The following AKAP13 variants were observed in gnomAD, a reference collection of about 807,000 sequenced individuals.
AKAP13 encodes the protein A-kinase anchoring protein 13.
AKAP13 carries 80 observed loss-of-function variants against 264.5 expected under a neutral mutation model. The ratio of observed to expected loss-of-function variants is 0.30; its 90% CI spans 0.25 to 0.36. The LOEUF is 0.36. Ranked by LOEUF, AKAP13 falls within the 10% of genes least tolerant of loss-of-function variation. AKAP13 has a pLI of 1.00. For missense variants in AKAP13, 3,712 were observed against 3,435.2 expected, an observed-to-expected ratio of 1.08 and a Z score of -2.01; for synonymous variants, 1,380 against 1,250.2, an observed-to-expected ratio of 1.10 and a Z score of -2.19.
intron 3 of AKAP13, among the ~76,000 whole-genome samples, chr15:85,530,575 C>T (rs566565018): frequency 7.0e-4 from 106 of 152,120 alleles, no homozygotes; most frequent in Non-Finnish European, 1.3e-3. Context: ...AGATTACTTG[C>T]ATCATCATCA....
intron 13 of AKAP13, among the ~76,000 whole-genome samples, chr15:85,666,078 C>G (rs2083578336): frequency 6.6e-6 from 1 of 152,172 alleles, no homozygotes; most frequent in Non-Finnish European, 1.5e-5. Flanking sequence ...ATTTCTAGTT[C>G]TAGATCCTTG....
At chr15:85,572,702 G>T (rs1284239393) in intron 5 of AKAP13, among the ~76,000 whole-genome samples, 1 of 151,986 alleles carries the variant, frequency 6.6e-6, no homozygotes, top group Non-Finnish European at 1.5e-5. Flanking sequence ...TAAGTTCTGG[G>T]ATGCATGTGT....
At chr15:85,510,803 G>A (rs1181855516) in intron 2 of AKAP13, among the ~76,000 whole-genome samples, 2 of 152,174 alleles carry the variant, frequency 1.3e-5, no homozygotes, top group Non-Finnish European at 2.9e-5. Flanking sequence ...AATCTGGGAA[G>A]GGATCATTAT....
At chr15:85,418,216 C>T (rs562448195) in intron 1 of AKAP13, among the ~76,000 whole-genome samples, 5 of 152,058 alleles carry the variant, frequency 3.3e-5, no homozygotes, top group Admixed American at 1.3e-4. Context: ...GCTGGGACTA[C>T]AGGCGTGCGC....
intron 25 of AKAP13, among the ~76,000 whole-genome samples, chr15:85,722,623 A>C (rs1041446619): frequency 6.6e-6 from 1 of 152,188 alleles, no homozygotes; most frequent in African/African-American, 2.4e-5. Flanking sequence ...GATAATTTCC[A>C]CTAGTTATTC....
At chr15:85,443,760 T>TAA (rs532209551) in intron 1 of AKAP13, among the ~76,000 whole-genome samples, 13 of 128,916 alleles carry the variant, frequency 1.0e-4, no homozygotes, top group South Asian at 2.9e-4. Flanking sequence ...TGGTTTCATG[T>TAA]AAAAAAAAAA....
rs2079137495 is a variant in AKAP13, at chr15:85,581,198, CCATG to C, written c.3131_3134del (p.Pro1044LeufsTer25). On this transcript the variant is annotated frameshift_variant, in exon 7 of 37. Coordinates refer to ENST00000394518, the MANE Select transcript of AKAP13 (RefSeq NM_007200.5). LOFTEE classifies it high-confidence loss of function. ...AGAGCACAACAGCTCCGCTCTGTTGCCATGTCTGTTGCCAGATGGGTCTGATGGG... is the reference window on the plus strand; with the variant it reads ...AGAGCACAACAGCTCCGCTCTGTTGCTCTGTTGCCAGATGGGTCTGATGGG... The C allele has an allele frequency of 3.1e-6, 5 of 1,613,712 alleles. No individual in the cohort carries two copies. The highest frequency in any genetic ancestry group is 1.7e-5 in the Admixed American group (1 of 59,956).
At chr15:85,397,661 A>G (rs924457543) in intron 1 of AKAP13, among the ~76,000 whole-genome samples, 4 of 152,208 alleles carry the variant, frequency 2.6e-5, no homozygotes, top group Non-Finnish European at 5.9e-5. Flanking sequence ...AGGTATTTTT[A>G]TGATTTTACC....
intron 7 of AKAP13, chr15:85,583,235 C>T: frequency 1.1e-6 from 1 of 929,352 alleles, no homozygotes; most frequent in Non-Finnish European, 1.3e-6. Context: ...AATCCCTTTA[C>T]ACATATGTAT....
intron 1 of AKAP13, among the ~76,000 whole-genome samples, chr15:85,479,754 TC>T (rs551635335): frequency 2.7e-4 from 41 of 152,268 alleles, no homozygotes; most frequent in African/African-American, 9.1e-4. Flanking sequence ...GGCCTGTGAC[TC>T]CCCACCCCCC....
chr15:85,435,332 A>T (rs1344817829), intron 1 of AKAP13, among the ~76,000 whole-genome samples: 3 of 134,218 alleles, frequency 2.2e-5, no homozygotes. Context: ...GACCAAATCT[A>T]CGTCTGATTG....
chr15:85,683,923 C>T (rs180673482), intron 15 of AKAP13, among the ~76,000 whole-genome samples: 1 of 152,310 alleles, frequency 6.6e-6, no homozygotes, highest in African/African-American at 2.4e-5. Flanking sequence ...CACTGTGCCT[C>T]AATTCTGTCT....
chr15:85,434,426 G>C (rs1187649761), intron 1 of AKAP13, among the ~76,000 whole-genome samples: 1 of 152,238 alleles, frequency 6.6e-6, no homozygotes, highest in Non-Finnish European at 1.5e-5. Context: ...GCTTGATTAG[G>C]TAAACAAAGC....
chr15:85,511,916 A>C (rs967419225), intron 2 of AKAP13, among the ~76,000 whole-genome samples: 1 of 152,000 alleles, frequency 6.6e-6, no homozygotes, highest in Non-Finnish European at 1.5e-5. Flanking sequence ...TTTTCTCCAA[A>C]TGGTTTCTTT....
At chr15:85,588,276 C>T (rs2079441906) in intron 8 of AKAP13, among the ~76,000 whole-genome samples, 1 of 152,094 alleles carries the variant, frequency 6.6e-6, no homozygotes, top group Admixed American at 6.5e-5. Context: ...TCTAACCCGC[C>T]CTTATTACAC....
chr15:85,685,739 G>T (rs1379382817), intron 16 of AKAP13, among the ~76,000 whole-genome samples: 2 of 152,030 alleles, frequency 1.3e-5, no homozygotes, highest in African/African-American at 4.8e-5. Flanking sequence ...CACTCTTCTC[G>T]CTGCAGGCTT....
chr15:85,707,801 G>T (rs200298934), intron 17 of AKAP13, among the ~76,000 whole-genome samples: 1 of 146,366 alleles, frequency 6.8e-6, no homozygotes, highest in Non-Finnish European at 1.5e-5. Flanking sequence ...CACAAACACC[G>T]AAAAAAAAAA....
At chr15:85,420,270 G>A (rs1383114633) in intron 1 of AKAP13, among the ~76,000 whole-genome samples, 1 of 151,678 alleles carries the variant, frequency 6.6e-6, no homozygotes, top group Non-Finnish European at 1.5e-5. Context: ...TCTTTTAACA[G>A]TATTCTGATA....
At chr15:85,710,536 G>A (rs1444550138) in intron 18 of AKAP13, 43 bp from the exon 19 acceptor site, 18 of 1,600,996 alleles carry the variant, frequency 1.1e-5, no homozygotes, top group Non-Finnish European at 3.4e-6. Context: ...CTCAGGGCTT[G>A]TCAGAGGTGA....
Sources: gnomAD v4.1 joint callset for allele counts (sites outside exome capture counted in the v4.1 genomes callset) on GRCh38, gnomAD v4.1.1 for gene constraint, MANE v1.5 for transcripts, NCBI Gene and HGNC (gene_info 2026-07-23, HGNC 2026-07-21) for gene names.